The following PAQR5 variants were observed in gnomAD, a reference collection of about 807,000 sequenced individuals.
PAQR5 encodes membrane progestin receptor gamma.
PAQR5 carries 20 observed loss-of-function variants against 34.5 expected under a neutral mutation model. That is an observed-to-expected ratio of 0.58 (90% CI 0.41 to 0.84). PAQR5 has a LOEUF of 0.84. Ranked by LOEUF, PAQR5 falls within the 40% of genes least tolerant of loss-of-function variation. PAQR5 has a pLI of 0.00. For missense variants in PAQR5, 378 were observed against 412.7 expected (o/e 0.92, Z 0.73); for synonymous variants, 131 against 155.6 (o/e 0.84, Z 1.18).
At position 69,378,264 on chromosome 15, in the gene PAQR5, T is replaced by TAAAAAAAAAAAAAAA; in HGVS notation, c.52-1607_52-1593dup. ...TGGGCAACAAAATGAGACTCCATCTTAAAAAAAAAAAAAAAAAAAAAAAAA... is the reference window on the plus strand; with the variant it reads ...TGGGCAACAAAATGAGACTCCATCTTAAAAAAAAAAAAAAAAAAAAAAAAAAAAAAAAAAAAAAAA... On this transcript the variant is annotated intron_variant, in intron 3 of 8. Transcript: ENST00000395407. 2.0e-4 allele frequency among the ~76,000 whole-genome samples: 12 copies of TAAAAAAAAAAAAAAA among 59,690 alleles called. 2 individuals are homozygous for TAAAAAAAAAAAAAAA. Among genetic ancestry groups the TAAAAAAAAAAAAAAA allele is most frequent in the African/African-American group, 1.0e-3 (12 of 11,862 alleles). 39.2% of individuals were successfully genotyped at this position (59,690 alleles called of 152,430 possible).
intron 3 of PAQR5, among the ~76,000 whole-genome samples, chr15:69,370,799 G>T (rs901173405): frequency 3.9e-5 from 6 of 152,214 alleles, no homozygotes; most frequent in African/African-American, 1.4e-4. Context: ...GGGATTACAG[G>T]AGTGAACCAC....
intron 3 of PAQR5, among the ~76,000 whole-genome samples, chr15:69,379,202 G>C (rs1455913422): frequency 6.6e-6 from 1 of 151,684 alleles, no homozygotes; most frequent in Non-Finnish European, 1.5e-5. Context: ...ACCACTTTTA[G>C]TGGATGTAAT....
At chr15:69,337,600 G>T (rs754174687) in intron 2 of PAQR5, 99 bp downstream of exon 2, 4 of 152,316 alleles carry the variant, frequency 2.6e-5, no homozygotes, top group East Asian at 1.9e-4. Flanking sequence ...GTATTTGAGG[G>T]TACAAACCCA....
intron 4 of PAQR5, among the ~76,000 whole-genome samples, chr15:69,382,659 CATATATATATA>C (rs2055922619): frequency 1.1e-5 from 1 of 91,268 alleles, no homozygotes; most frequent in Admixed American, 1.3e-4. Flanking sequence ...AAAAAAAAAG[CATATATATATA>C]TATATATATA....
chr15:69,312,419 C>A (rs1370419790), intron 1 of PAQR5, among the ~76,000 whole-genome samples: 1 of 151,976 alleles, frequency 6.6e-6, no homozygotes, highest in Non-Finnish European at 1.5e-5. Context: ...ACAGTAAACC[C>A]CCTACCCTGC....
At chr15:69,300,840 GT>G in intron 1 of PAQR5, among the ~76,000 whole-genome samples, 1 of 14,376 alleles carries the variant, frequency 7.0e-5, no homozygotes. Flanking sequence ...CCTTTAGTTC[GT>G]TTTCTTTCTT....
intron 3 of PAQR5, among the ~76,000 whole-genome samples, chr15:69,372,624 C>A (rs542421175): frequency 6.6e-6 from 1 of 152,312 alleles, no homozygotes; most frequent in East Asian, 1.9e-4. Context: ...CATCACACCA[C>A]TGTTGTAAGT....
chr15:69,400,087 C>T lies in PAQR5; in HGVS notation c.723C>T (p.Arg241=). 6.2e-7 allele frequency: 1 copy of T among 1,614,106 alleles called. No homozygotes were observed. The highest frequency in any genetic ancestry group is 8.5e-7 in the Non-Finnish European group (1 of 1,179,980). The part of the protein sequence containing the change: ...SFLYSAHLPE[R]LAPGRFDYIG... ...TGTACTCTGCACATCTGCCAGAACG[C>T]CTAGCCCCTGGACGCTTTGACTACA... The change falls in exon 8 of 9, where the codon CGC becomes CGT. Residue 241 remains arginine (R), a synonymous_variant. Coordinates refer to ENST00000395407, the MANE Select transcript of PAQR5 (RefSeq NM_017705.4).
At chr15:69,311,044 AT>A (rs57243360) in intron 1 of PAQR5, among the ~76,000 whole-genome samples, 38,829 of 77,132 alleles carry the variant, frequency 0.5, 14,613 homozygotes, top group Non-Finnish European at 0.6. Flanking sequence ...GTCGCAAAAA[AT>A]AAAAAAAAAA....
At chr15:69,368,699 G>A (rs2055470812) in intron 3 of PAQR5, among the ~76,000 whole-genome samples, 1 of 151,928 alleles carries the variant, frequency 6.6e-6, no homozygotes, top group African/African-American at 2.4e-5. Flanking sequence ...CTTCAGACAG[G>A]TCTGGTGTAT....
intron 1 of PAQR5, among the ~76,000 whole-genome samples, chr15:69,303,561 A>T (rs963904941): frequency 9.3e-6 from 1 of 107,902 alleles, no homozygotes; most frequent in African/African-American, 4.7e-5. Flanking sequence ...CAGTGCAATT[A>T]AAAAAAAAAA....
At chr15:69,346,171 T>C (rs1055789740) in intron 2 of PAQR5, among the ~76,000 whole-genome samples, 5 of 152,112 alleles carry the variant, frequency 3.3e-5, no homozygotes, top group African/African-American at 9.7e-5. Flanking sequence ...TCTTGGATTA[T>C]GACGGAAAGA....
chr15:69,323,186 C>A (rs368896457), intron 1 of PAQR5, among the ~76,000 whole-genome samples: 47 of 152,318 alleles, frequency 3.1e-4, no homozygotes, highest in African/African-American at 1.1e-3. Flanking sequence ...AGCCCTCTGT[C>A]CACTAGGCCA....
chr15:69,324,898 C>CT (rs11355683), intron 1 of PAQR5, among the ~76,000 whole-genome samples: 3,449 of 136,732 alleles, frequency 0.025, 132 homozygotes, highest in African/African-American at 0.085. Flanking sequence ...AGTTTCATTT[C>CT]TTTTTTTTTT....
At position 69,329,463 on chromosome 15, in the gene PAQR5, CTTTTTTTTTTTTT is replaced by C. The variant is rs1038357937; in HGVS notation, c.-276-7865_-276-7853del. ...TTTTACCTAAATTTATTTTTTCTTT[CTTTTTTTTTTTTT>C]TTTTTTTTTTTTGGAGAGAGAGCCT... On this transcript the variant is annotated intron_variant, in intron 1 of 8. Transcript: ENST00000395407. Among the ~76,000 whole-genome samples, 147 of 73,780 alleles carry C rather than the reference CTTTTTTTTTTTTT, an allele frequency of 2.0e-3. 1 individual carries two copies. Among genetic ancestry groups the C allele is most frequent in the Non-Finnish European group, 2.6e-3 (111 of 42,632 alleles). 48.4% of individuals were successfully genotyped at this position (73,780 alleles called of 152,430 possible). A position where few individuals can be genotyped will look rare whatever the true frequency, so the allele number is the denominator to read the frequency against.
chr15:69,327,685 G>A (rs1377928165), intron 1 of PAQR5, among the ~76,000 whole-genome samples: 5 of 152,184 alleles, frequency 3.3e-5, no homozygotes, highest in Non-Finnish European at 5.9e-5. Context: ...AAGGGATGAA[G>A]ACTTGGGCAC....
Position 69,406,991 on chromosome 15 carries a change from C to T in PAQR5, c.*3169C>T, listed in dbSNP as rs923170420. ...GAAGTCTTTCTGGAAGTGTTGTTCC[C>T]CCTGCTGCCCCGCCCAGTAGAAACT... On this transcript the variant is annotated 3_prime_UTR_variant, in exon 9 of 9. Transcript: ENST00000395407. 13 of 152,274 alleles carry T rather than the reference C, an allele frequency of 8.5e-5. No individual in the cohort carries two copies. Among genetic ancestry groups the T allele is most frequent in the African/African-American group, 3.1e-4 (13 of 41,430 alleles). The allele number at this position is 152,274 out of a possible 1,614,324, so 9.4% of individuals were successfully genotyped here.
At chr15:69,365,837 G>A (rs1294166205) in intron 3 of PAQR5, among the ~76,000 whole-genome samples, 1 of 152,178 alleles carries the variant, frequency 6.6e-6, no homozygotes, top group African/African-American at 2.4e-5. Flanking sequence ...CTCTAAGGGG[G>A]CACCATTTCC....
In PAQR5 at chr15:69,407,365, G is replaced by A. The variant is rs986013438; in HGVS notation, c.*3543G>A. The A allele has an allele frequency of 1.3e-5, 2 of 152,252 alleles. No homozygotes were observed. The highest frequency in any genetic ancestry group is 2.9e-5 in the Non-Finnish European group (2 of 68,068). The allele number at this position is 152,252 out of a possible 1,614,324, so 9.4% of individuals were successfully genotyped here. A position where few individuals can be genotyped will look rare whatever the true frequency, so the allele number is the denominator to read the frequency against. ...GCTGGCTTAGAATTCCTGAATTCAA[G>A]TGATTTGTCTGCCTCAGGCTCCCAA... is the stretch of plus-strand genomic sequence containing the variant. On this transcript the variant is annotated 3_prime_UTR_variant, in exon 9 of 9. Coordinates refer to ENST00000395407, the MANE Select transcript of PAQR5 (RefSeq NM_017705.4).
Sources: allele counts gnomAD v4.1 joint callset (sites outside exome capture counted in the v4.1 genomes callset), GRCh38; gene constraint gnomAD v4.1.1; transcripts MANE v1.5; gene names NCBI Gene and HGNC (gene_info 2026-07-23, HGNC 2026-07-21).